The following PPP2R5A variants were observed in gnomAD, a reference collection of about 807,000 sequenced individuals.
The protein encoded by PPP2R5A is serine/threonine-protein phosphatase 2A 56 kDa regulatory subunit alpha isoform.
PPP2R5A carries 25 observed loss-of-function variants against 64.2 expected under a neutral mutation model. The ratio of observed to expected loss-of-function variants is 0.39; its 90% CI spans 0.28 to 0.54. The LOEUF is 0.54. PPP2R5A is among the 20% of genes least tolerant of loss of function. The probability of loss-of-function intolerance (pLI) is 0.67; values close to 1 mark genes in which losing one functional copy is unlikely to be tolerated. For missense variants in PPP2R5A, 425 were observed against 576.3 expected, an observed-to-expected ratio of 0.74 and a Z score of 2.69; for synonymous variants, 198 against 201.2, an observed-to-expected ratio of 0.98 and a Z score of 0.13.
At chr1:212,343,469 T>C (rs942817822) in intron 4 of PPP2R5A, among the ~76,000 whole-genome samples, 1 of 152,214 alleles carries the variant, frequency 6.6e-6, no homozygotes, top group Non-Finnish European at 1.5e-5. Flanking sequence ...TTTGGTATAT[T>C]TAGAGCTGAT....
In PPP2R5A at chr1:212,286,034, GCCT is replaced by G. The variant is rs1658489646; in HGVS notation, c.-70_-68del. 1 of 1,392,438 alleles carries G rather than the reference GCCT, an allele frequency of 7.2e-7. No homozygotes were observed. The highest frequency in any genetic ancestry group is 1.5e-5 in the South Asian group (1 of 66,290). The allele number at this position is 1,392,438 out of a possible 1,614,324, so 86.3% of individuals were successfully genotyped here. A position where few individuals can be genotyped will look rare whatever the true frequency, so the allele number is the denominator to read the frequency against. ...CGCGAGCACCCCGCGCCTCTCCCCC[GCCT>G]CCTCCTGCCGTCTCCGCCGCTGCCC... is the stretch of plus-strand genomic sequence containing the variant. On this transcript the variant is annotated 5_prime_UTR_variant, in exon 1 of 13. Transcript: ENST00000261461.
At chr1:212,322,231 A>ACT (rs1282953892) in intron 1 of PPP2R5A, among the ~76,000 whole-genome samples, 1 of 103,810 alleles carries the variant, frequency 9.6e-6, no homozygotes, top group African/African-American at 4.2e-5. Flanking sequence ...GGAGAGGGAG[A>ACT]GGGAGAGGGA....
chr1:212,346,633 G>A (rs1025496651), intron 5 of PPP2R5A, among the ~76,000 whole-genome samples: 2 of 151,980 alleles, frequency 1.3e-5, no homozygotes, highest in Non-Finnish European at 2.9e-5. Context: ...TGAAACCTGC[G>A]GATACAGGGC....
chr1:212,310,921 T>C (rs1026866454), intron 1 of PPP2R5A, among the ~76,000 whole-genome samples: 3 of 152,204 alleles, frequency 2.0e-5, no homozygotes, highest in African/African-American at 7.2e-5. Context: ...TGTGTTCTCC[T>C]CTGCGTCTCT....
rs532163422 is a variant in PPP2R5A at position 212,285,845 on chromosome 1, C to T, written c.-266C>T. Reference sequence around the variant, plus strand: ...CGCCCAGAGTCAACAACTTCTTCACCCCCCTCCGCCCCCGCCCTTCCCTCC... The same window carrying T: ...CGCCCAGAGTCAACAACTTCTTCACTCCCCTCCGCCCCCGCCCTTCCCTCC... On this transcript the variant is annotated 5_prime_UTR_variant, in exon 1 of 13. Coordinates refer to ENST00000261461, the MANE Select transcript of PPP2R5A (RefSeq NM_006243.4). 1.9e-5 allele frequency: 7 copies of T among 365,534 alleles called. 1 individual carries two copies. Among genetic ancestry groups the T allele is most frequent in the Middle Eastern group, 1.4e-3 (2 of 1,412 alleles). 22.6% of individuals were successfully genotyped at this position (365,534 alleles called of 1,614,324 possible).
chr1:212,339,886 C>T (rs1659657828), intron 3 of PPP2R5A, among the ~76,000 whole-genome samples: 1 of 151,534 alleles, frequency 6.6e-6, no homozygotes, highest in Non-Finnish European at 1.5e-5. Context: ...TTAACCTGAT[C>T]CCACCTTATG....
chr1:212,333,400 A>G, intron 2 of PPP2R5A, 97 bp from the exon 3 acceptor site: 1 of 714,600 alleles, frequency 1.4e-6, no homozygotes, highest in Admixed American at 3.7e-5. Context: ...TACAGCTATA[A>G]CTTTTTTCTG....
At chr1:212,329,962 A>C (rs1161085926) in intron 2 of PPP2R5A, among the ~76,000 whole-genome samples, 1 of 152,192 alleles carries the variant, frequency 6.6e-6, no homozygotes, top group East Asian at 1.9e-4. Context: ...GAACTTGTAA[A>C]GGGGAAAGGG....
intron 3 of PPP2R5A, among the ~76,000 whole-genome samples, chr1:212,339,169 C>T (rs1160241233): frequency 6.6e-6 from 1 of 151,890 alleles, no homozygotes; most frequent in East Asian, 1.9e-4. Context: ...GATAACTATT[C>T]ATCATTTTTA....
At chr1:212,336,967 C>T (rs1229012008) in intron 3 of PPP2R5A, among the ~76,000 whole-genome samples, 1 of 151,984 alleles carries the variant, frequency 6.6e-6, no homozygotes, top group East Asian at 1.9e-4. Context: ...CCTTTGTTTC[C>T]CCACCCTTTT....
chr1:212,285,921 G>C lies in PPP2R5A; in HGVS notation c.-190G>C, dbSNP rs1658485959. On this transcript the variant is annotated 5_prime_UTR_variant, in exon 1 of 13. Coordinates refer to ENST00000261461, the MANE Select transcript of PPP2R5A (RefSeq NM_006243.4). Reference sequence around the variant, plus strand: ...CCGGGGACCAGGAACCTCCAGCGCTGAGATGTGGCCGTGAGGCGTTGGCGG... The same window carrying C: ...CCGGGGACCAGGAACCTCCAGCGCTCAGATGTGGCCGTGAGGCGTTGGCGG... The C allele has an allele frequency of 6.0e-6, 3 of 498,528 alleles. No homozygotes were observed. The highest frequency in any genetic ancestry group is 9.8e-6 in the Non-Finnish European group (3 of 306,724). 30.9% of individuals were successfully genotyped at this position (498,528 alleles called of 1,614,324 possible). A position where few individuals can be genotyped will look rare whatever the true frequency, so the allele number is the denominator to read the frequency against.
intron 1 of PPP2R5A, among the ~76,000 whole-genome samples, chr1:212,325,543 C>A (rs766895748): frequency 7.2e-5 from 11 of 152,112 alleles, no homozygotes; most frequent in Middle Eastern, 3.4e-3. Context: ...GTTTGTATTA[C>A]TATTAGCGTT....
At chr1:212,325,830 T>C (rs1659399386) in intron 1 of PPP2R5A, among the ~76,000 whole-genome samples, 1 of 152,160 alleles carries the variant, frequency 6.6e-6, no homozygotes, top group Non-Finnish European at 1.5e-5. Context: ...TCTCGTTTAG[T>C]GTGTAGTACA....
chr1:212,299,352 G>T (rs1393913485), intron 1 of PPP2R5A: 3 of 152,194 alleles, frequency 2.0e-5, no homozygotes, highest in Non-Finnish European at 4.4e-5. Flanking sequence ...AAGTTATAAT[G>T]ATCTGTAATT....
chr1:212,357,855 G>A (rs1017896354), intron 11 of PPP2R5A: 6 of 151,168 alleles, frequency 4.0e-5, no homozygotes, highest in Non-Finnish European at 7.4e-5. Flanking sequence ...GGAGTGCAAT[G>A]GTGCAATCAT....
At chr1:212,321,556 C>T (rs1013482577) in intron 1 of PPP2R5A, among the ~76,000 whole-genome samples, 13 of 147,244 alleles carry the variant, frequency 8.8e-5, no homozygotes, top group Non-Finnish European at 1.8e-4. Flanking sequence ...TCAGACGGGG[C>T]GGCCGGGCAG....
chr1:212,336,158 A>T (rs1469452088), intron 3 of PPP2R5A, among the ~76,000 whole-genome samples: 1 of 152,128 alleles, frequency 6.6e-6, no homozygotes, highest in East Asian at 1.9e-4. Flanking sequence ...TCTGTTGCCC[A>T]GGTTGGAGTG....
intron 1 of PPP2R5A, chr1:212,297,809 G>GTTTGTTTTTTTTTTTCT (rs1658726057): frequency 2.5e-5 from 1 of 40,430 alleles, no homozygotes; most frequent in Admixed American, 2.1e-4. Flanking sequence ...GAAGTGAATT[G>GTTTGTTTTTTTTTTTCT]TTTTTTTTTT....
intron 7 of PPP2R5A, 90 bp from the exon 8 acceptor site, chr1:212,349,099 G>T: frequency 1.4e-6 from 1 of 731,430 alleles, no homozygotes. Flanking sequence ...ATCAAAATGA[G>T]GTAGTCTAAA....
Sources: gnomAD v4.1 joint callset for allele counts (sites outside exome capture counted in the v4.1 genomes callset) on GRCh38, gnomAD v4.1.1 for gene constraint, MANE v1.5 for transcripts, NCBI Gene and HGNC (gene_info 2026-07-23, HGNC 2026-07-21) for gene names.